Variants in TMEM132C observed in about 807,000 individuals in gnomAD.
TMEM132C encodes the protein transmembrane protein 132C, also known as protein phosphatase 1, regulatory subunit 152.
Under a neutral mutation model 61.4 loss-of-function variants are expected in TMEM132C, and 29 were observed. That is an observed-to-expected ratio of 0.47 (90% confidence interval 0.35 to 0.64). The LOEUF is 0.64. TMEM132C is among the 30% of genes least tolerant of loss of function. The pLI is 0.00. For synonymous variants in TMEM132C, 656 were observed against 633.1 expected, an observed-to-expected ratio of 1.04 and a Z score of -0.54; for missense variants, 1,408 against 1,476.9, an observed-to-expected ratio of 0.95 and a Z score of 0.76.
At chr12:128,497,600 G>A (rs1461820757) in intron 2 of TMEM132C, among the ~76,000 whole-genome samples, 12 of 152,200 alleles carry the variant, frequency 7.9e-5, no homozygotes, top group East Asian at 3.9e-4. Context: ...AGCAACGAGC[G>A]AGGCTCCGTG....
intron 1 of TMEM132C, among the ~76,000 whole-genome samples, chr12:128,293,918 A>G (rs1469064309): frequency 1.3e-5 from 2 of 152,208 alleles, no homozygotes; most frequent in Non-Finnish European, 2.9e-5. Flanking sequence ...AGTAATTATT[A>G]TAATTACGCA....
chr12:128,568,682 C>T (rs1466201512), intron 3 of TMEM132C, among the ~76,000 whole-genome samples: 3 of 152,112 alleles, frequency 2.0e-5, no homozygotes, highest in African/African-American at 7.2e-5. Context: ...TTCTTAACCT[C>T]TCCTGATACT....
chr12:128,478,915 C>CT (rs1289982920), intron 2 of TMEM132C, among the ~76,000 whole-genome samples: 3 of 152,166 alleles, frequency 2.0e-5, no homozygotes, highest in African/African-American at 7.2e-5. Flanking sequence ...GCATTTGCGA[C>CT]TTTTCATAAT....
At chr12:128,668,595 G>T (rs1252764763) in intron 4 of TMEM132C, among the ~76,000 whole-genome samples, 2 of 152,154 alleles carry the variant, frequency 1.3e-5, no homozygotes, top group Admixed American at 1.3e-4. Context: ...TAGCCCGTAA[G>T]GATCTGTGTT....
intron 4 of TMEM132C, among the ~76,000 whole-genome samples, chr12:128,635,385 A>G (rs1437526278): frequency 6.6e-6 from 1 of 152,146 alleles, no homozygotes; most frequent in East Asian, 1.9e-4. Flanking sequence ...AGGTGGGTGC[A>G]GATTAGAATG....
At chr12:128,445,636 G>A (rs1593055949) in intron 2 of TMEM132C, among the ~76,000 whole-genome samples, 1 of 152,220 alleles carries the variant, frequency 6.6e-6, no homozygotes, top group African/African-American at 2.4e-5. Context: ...CACCCAGGCG[G>A]CTGCCGCTGG....
intron 3 of TMEM132C, among the ~76,000 whole-genome samples, chr12:128,580,825 C>G (rs987079131): frequency 6.6e-6 from 1 of 152,166 alleles, no homozygotes; most frequent in Admixed American, 6.5e-5. Flanking sequence ...TGCATTTTCA[C>G]CAGGGCTTCT....
chr12:128,633,675 A>G (rs1181410474), intron 4 of TMEM132C, among the ~76,000 whole-genome samples: 1 of 152,252 alleles, frequency 6.6e-6, no homozygotes, highest in Admixed American at 6.5e-5. Flanking sequence ...ATTAAATAGT[A>G]GTACCAAAAA....
At chr12:128,559,299 A>G (rs1385913742) in intron 3 of TMEM132C, among the ~76,000 whole-genome samples, 2 of 152,078 alleles carry the variant, frequency 1.3e-5, no homozygotes, top group Admixed American at 1.3e-4. Context: ...TTTTCCAAAC[A>G]TCTGTATATT....
intron 3 of TMEM132C, among the ~76,000 whole-genome samples, chr12:128,588,978 C>G (rs557346701): frequency 2.0e-4 from 30 of 152,282 alleles, no homozygotes; most frequent in Non-Finnish European, 2.9e-4. Context: ...ATGAGACAGT[C>G]TATGGAAGGG....
chr12:128,348,495 T>G (rs1198300432), intron 1 of TMEM132C, among the ~76,000 whole-genome samples: 1 of 152,236 alleles, frequency 6.6e-6, no homozygotes, highest in African/African-American at 2.4e-5. Flanking sequence ...GCAAACATCT[T>G]TGTTCTACTA....
intron 4 of TMEM132C, among the ~76,000 whole-genome samples, chr12:128,623,484 G>T (rs966155631): frequency 9.3e-5 from 14 of 150,072 alleles, no homozygotes; most frequent in African/African-American, 3.5e-4. Flanking sequence ...AAAAAGTAAA[G>T]CTATGTTCTA....
chr12:128,314,979 C>G (rs61028872), intron 1 of TMEM132C, among the ~76,000 whole-genome samples: 2,493 of 152,252 alleles, frequency 0.016, 70 homozygotes, highest in African/African-American at 0.056. Flanking sequence ...AACAAGGAAA[C>G]AAGTAAATAA....
At chr12:128,573,343 A>G (rs1279818082) in intron 3 of TMEM132C, among the ~76,000 whole-genome samples, 1 of 152,128 alleles carries the variant, frequency 6.6e-6, no homozygotes, top group Admixed American at 6.5e-5. Context: ...TGAGCAAACT[A>G]TCACAAGGAC....
chr12:128,705,167 C>T lies in TMEM132C; in HGVS notation c.2199C>T (p.Phe733=). The T allele has an allele frequency of 1.3e-6, 2 of 1,551,700 alleles. No individual in the cohort carries two copies. Among genetic ancestry groups the T allele is most frequent in the Non-Finnish European group, 1.7e-6 (2 of 1,146,988 alleles). The part of the protein sequence containing the change: ...TPLDIYDTKD[F]SLAATSQDEA... ...TGGACATCTACGACACCAAGGACTT[C>T]TCCCTGGCAGCCACCTCCCAGGACG... The change falls in exon 9 of 9, where the codon TTC becomes TTT. Residue 733 remains phenylalanine (F), a synonymous_variant. Transcript: ENST00000435159.
At chr12:128,469,846 C>CACACGTGCATTTATATACATAAATGTACG (rs1870885249) in intron 2 of TMEM132C, among the ~76,000 whole-genome samples, 1 of 151,006 alleles carries the variant, frequency 6.6e-6, no homozygotes, top group Non-Finnish European at 1.5e-5. Flanking sequence ...ATAAATGTAC[C>CACACGTGCATTTATATACATAAATGTACG]TGTGTGTATA....
intron 2 of TMEM132C, among the ~76,000 whole-genome samples, chr12:128,528,959 G>C (rs1309148709): frequency 6.6e-6 from 1 of 152,118 alleles, no homozygotes; most frequent in East Asian, 1.9e-4. Context: ...TTAGTTCCAA[G>C]GCTAAAAATT....
chr12:128,284,904 G>A (rs1236600598), intron 1 of TMEM132C, among the ~76,000 whole-genome samples: 1 of 152,312 alleles, frequency 6.6e-6, no homozygotes, highest in African/African-American at 2.4e-5. Flanking sequence ...GGAAGGCTGA[G>A]GTGGAAGGAT....
chr12:128,343,703 T>C (rs1248755228), intron 1 of TMEM132C, among the ~76,000 whole-genome samples: 3 of 152,224 alleles, frequency 2.0e-5, no homozygotes, highest in African/African-American at 7.2e-5. Context: ...CATTTAAATT[T>C]AGATTATGTT....
Sources: gnomAD v4.1 joint callset for allele counts (sites outside exome capture counted in the v4.1 genomes callset) on GRCh38, gnomAD v4.1.1 for gene constraint, MANE v1.5 for transcripts, NCBI Gene and HGNC (gene_info 2026-07-23, HGNC 2026-07-21) for gene names.